The following ADAM12 variants were observed in gnomAD, a reference collection of about 807,000 sequenced individuals.
ADAM12 encodes the protein ADAM metallopeptidase domain 12.
Under a neutral mutation model 106.4 loss-of-function variants are expected in ADAM12, and 70 were observed. The ratio of observed to expected loss-of-function variants is 0.66; its 90% confidence interval spans 0.54 to 0.80. ADAM12 has a LOEUF of 0.80. ADAM12 is among the 30% of genes least tolerant of loss of function. ADAM12 has a pLI of 0.00. For synonymous variants in ADAM12, 420 were observed against 433.5 expected, an observed-to-expected ratio of 0.97 and a Z score of 0.39; for missense variants, 1,010 against 1,171.9, an observed-to-expected ratio of 0.86 and a Z score of 2.02.
chr10:126,035,639 A>C (rs1448458029), intron 21 of ADAM12, among the ~76,000 whole-genome samples: 1 of 152,234 alleles, frequency 6.6e-6, no homozygotes, highest in African/African-American at 2.4e-5. Flanking sequence ...GCAAACAGAA[A>C]TGGTTACTTC....
chr10:126,336,749 G>A (rs1377580523), intron 1 of ADAM12, among the ~76,000 whole-genome samples: 2 of 152,200 alleles, frequency 1.3e-5, no homozygotes, highest in African/African-American at 2.4e-5. Flanking sequence ...ACAAAACCAC[G>A]TCAATACAGA....
At chr10:126,174,881 T>C (rs1957190142) in intron 3 of ADAM12, among the ~76,000 whole-genome samples, 1 of 151,718 alleles carries the variant, frequency 6.6e-6, no homozygotes, top group Admixed American at 6.6e-5. Flanking sequence ...GCCTCCCGAG[T>C]AGCTGGGACT....
At chr10:126,215,830 A>G (rs1410624761) in intron 3 of ADAM12, among the ~76,000 whole-genome samples, 5 of 152,222 alleles carry the variant, frequency 3.3e-5, no homozygotes, top group Admixed American at 3.3e-4. Flanking sequence ...AAACAGCACA[A>G]AAAAATCAGG....
chr10:126,179,454 ACT>A (rs777739948), intron 3 of ADAM12, among the ~76,000 whole-genome samples: 15 of 152,180 alleles, frequency 9.9e-5, no homozygotes, highest in Non-Finnish European at 1.9e-4. Flanking sequence ...GGTAATGGCC[ACT>A]CTGATAAAAC....
chr10:126,329,880 G>A (rs1457285908), intron 2 of ADAM12, among the ~76,000 whole-genome samples: 1 of 152,116 alleles, frequency 6.6e-6, no homozygotes. Flanking sequence ...AGAAAGTCAT[G>A]TCAGTTTAGC....
intron 11 of ADAM12, among the ~76,000 whole-genome samples, chr10:126,088,459 G>A (rs1373460612): frequency 2.0e-5 from 3 of 151,954 alleles, no homozygotes; most frequent in African/African-American, 7.3e-5. Flanking sequence ...CTAGCACTAC[G>A]GGAGGCTGAG....
chr10:126,318,401 CACAA>C (rs1188687732), intron 2 of ADAM12, among the ~76,000 whole-genome samples: 2 of 142,474 alleles, frequency 1.4e-5, no homozygotes, highest in African/African-American at 4.9e-5. Context: ...CTCTGTCATA[CACAA>C]ACACACACAC....
At chr10:126,334,050 C>G (rs77331756) in intron 1 of ADAM12, among the ~76,000 whole-genome samples, 14,987 of 152,152 alleles carry the variant, frequency 0.099, 955 homozygotes, top group Middle Eastern at 0.16. Flanking sequence ...TTCTTATGAG[C>G]TTTTCTTATG....
At chr10:126,030,344 G>T (rs886652230) in intron 21 of ADAM12, among the ~76,000 whole-genome samples, 7 of 152,094 alleles carry the variant, frequency 4.6e-5, no homozygotes, top group African/African-American at 1.7e-4. Flanking sequence ...AGAGGTGGGT[G>T]GGGGGTAGAG....
chr10:126,213,306 G>C (rs1324287569), intron 3 of ADAM12, among the ~76,000 whole-genome samples: 1 of 152,184 alleles, frequency 6.6e-6, no homozygotes, highest in African/African-American at 2.4e-5. Context: ...TCATCCATGA[G>C]GGGATGTGCA....
intron 21 of ADAM12, among the ~76,000 whole-genome samples, 198 bp from the exon 22 acceptor site, chr10:126,020,023 T>G (rs1953734384): frequency 6.6e-6 from 1 of 152,178 alleles, no homozygotes; most frequent in East Asian, 1.9e-4. Flanking sequence ...TGGATCGTAG[T>G]TATAAACACT....
chr10:126,158,455 G>T lies in ADAM12; in HGVS notation c.261-3150C>A, dbSNP rs1342844443. On this transcript the variant is annotated intron_variant, in intron 3 of 22. Coordinates refer to ENST00000448723, the MANE Select transcript of ADAM12 (RefSeq NM_001288973.2). ...CACGGGGAGGATGCACAGAGCACGGGGAGAGAATGCACAGAGCATGGGGAG... is the reference window on the plus strand; with the variant it reads ...CACGGGGAGGATGCACAGAGCACGGTGAGAGAATGCACAGAGCATGGGGAG... Among the ~76,000 whole-genome samples the T allele has an allele frequency of 2.2e-5, 3 of 135,580 alleles. 1 individual carries two copies. Among genetic ancestry groups the T allele is most frequent in the Admixed American group, 2.2e-4 (3 of 13,666 alleles). The allele number at this position is 135,580 out of a possible 152,430, so 88.9% of individuals were successfully genotyped here.
At chr10:126,082,095 ATG>A (rs1452735378) in intron 11 of ADAM12, among the ~76,000 whole-genome samples, 1 of 152,192 alleles carries the variant, frequency 6.6e-6, no homozygotes, top group Admixed American at 6.5e-5. Flanking sequence ...CAACAAGAGC[ATG>A]TAGTTAGGAG....
intron 19 of ADAM12, among the ~76,000 whole-genome samples, chr10:126,039,027 G>A (rs12770063): frequency 0.24 from 33,669 of 140,320 alleles, 4,550 homozygotes; most frequent in East Asian, 0.43. Flanking sequence ...TGGAGTGATC[G>A]CAACTCACTG....
intron 2 of ADAM12, among the ~76,000 whole-genome samples, chr10:126,286,035 A>G (rs1313445278): frequency 6.2e-5 from 9 of 145,242 alleles, no homozygotes; most frequent in African/African-American, 2.1e-4. Context: ...AATGTGTGCG[A>G]TTGGAGGCTG....
chr10:126,031,071 G>C (rs1430574558), intron 21 of ADAM12, among the ~76,000 whole-genome samples: 1 of 152,168 alleles, frequency 6.6e-6, no homozygotes, highest in Non-Finnish European at 1.5e-5. Context: ...GGTGATCAGA[G>C]GTCCTGGAGG....
chr10:126,204,949 C>T (rs1957769293), intron 3 of ADAM12, among the ~76,000 whole-genome samples: 1 of 152,186 alleles, frequency 6.6e-6, no homozygotes, highest in Non-Finnish European at 1.5e-5. Flanking sequence ...CCACGTTTGC[C>T]AAGAGTAACC....
intron 1 of ADAM12, among the ~76,000 whole-genome samples, chr10:126,376,257 A>G (rs889924145): frequency 6.6e-6 from 1 of 151,682 alleles, no homozygotes; most frequent in Non-Finnish European, 1.5e-5. Flanking sequence ...CATCAGGATT[A>G]AAAAAAAATT....
intron 3 of ADAM12, among the ~76,000 whole-genome samples, chr10:126,161,536 T>C (rs1229976567): frequency 6.6e-6 from 1 of 152,216 alleles, no homozygotes; most frequent in African/African-American, 2.4e-5. Flanking sequence ...GTTGAGCAGA[T>C]GAATACGTGA....
Sources: gnomAD v4.1 joint callset for allele counts (sites outside exome capture counted in the v4.1 genomes callset) on GRCh38, gnomAD v4.1.1 for gene constraint, MANE v1.5 for transcripts, NCBI Gene and HGNC (gene_info 2026-07-23, HGNC 2026-07-21) for gene names.